USP47: variants seen among roughly 807,000 people sequenced by gnomAD.
USP47 encodes the protein ubiquitin specific peptidase 47.
USP47 carries 35 observed loss-of-function variants against 165.1 expected under a neutral mutation model. The ratio of observed to expected loss-of-function variants is 0.21; its 90% CI spans 0.16 to 0.28. USP47 has a LOEUF of 0.28. USP47 is among the 10% of genes least tolerant of loss of function. The pLI is 1.00. For synonymous variants in USP47, 531 were observed against 544.5 expected (o/e 0.98, Z 0.35); for missense variants, 1,277 against 1,607.4 (o/e 0.79, Z 3.52).
intron 1 of USP47, among the ~76,000 whole-genome samples, chr11:11,870,207 A>G (rs780554150): frequency 2.0e-5 from 3 of 151,920 alleles, no homozygotes; most frequent in Non-Finnish European, 4.4e-5. Flanking sequence ...TAGGTGTGAC[A>G]TAATGTAAAC....
chr11:11,849,916 A>ATTT (rs1848631816), intron 1 of USP47, among the ~76,000 whole-genome samples: 1 of 151,892 alleles, frequency 6.6e-6, no homozygotes, highest in South Asian at 2.1e-4. Context: ...GTCAGAAATA[A>ATTT]TTTTTTCTCA....
intron 5 of USP47, among the ~76,000 whole-genome samples, chr11:11,901,734 G>A (rs1235179411): frequency 2.6e-5 from 4 of 152,094 alleles, no homozygotes; most frequent in Non-Finnish European, 5.9e-5. Context: ...AGAGGTGGGT[G>A]GATCACTTGA....
intron 1 of USP47, among the ~76,000 whole-genome samples, chr11:11,875,316 T>C (rs1850339316): frequency 6.6e-6 from 1 of 152,180 alleles, no homozygotes; most frequent in South Asian, 2.1e-4. Context: ...TAAACCTCAG[T>C]GTGTATTCTT....
intron 22 of USP47, chr11:11,948,782 C>G: frequency 2.6e-6 from 1 of 391,254 alleles, no homozygotes; most frequent in Non-Finnish European, 4.6e-6. Context: ...ATGGCTATGT[C>G]TCAACATTTT....
intron 2 of USP47, among the ~76,000 whole-genome samples, chr11:11,880,632 C>T (rs942178783): frequency 6.6e-6 from 1 of 152,000 alleles, no homozygotes; most frequent in Non-Finnish European, 1.5e-5. Context: ...AGGTGACTCT[C>T]ATAATATTGT....
At chr11:11,873,298 T>C (rs972538014) in intron 1 of USP47, among the ~76,000 whole-genome samples, 1 of 152,164 alleles carries the variant, frequency 6.6e-6, no homozygotes, top group Non-Finnish European at 1.5e-5. Context: ...ATAGGTTACT[T>C]TTATTTCCTT....
intron 1 of USP47, among the ~76,000 whole-genome samples, chr11:11,842,779 C>A (rs914200664): frequency 6.7e-6 from 1 of 149,040 alleles, no homozygotes; most frequent in Non-Finnish European, 1.5e-5. Context: ...AAAAGTAGTA[C>A]ATGGGACATT....
intron 1 of USP47, among the ~76,000 whole-genome samples, chr11:11,858,376 T>A (rs2134178267): frequency 6.6e-6 from 1 of 152,298 alleles, no homozygotes; most frequent in Admixed American, 6.5e-5. Context: ...GTTTTTTAAA[T>A]CAGTGTTACT....
At chr11:11,930,188 T>A in intron 13 of USP47, 68 bp downstream of exon 13, 2 of 1,409,960 alleles carry the variant, frequency 1.4e-6, no homozygotes, top group Non-Finnish European at 2.0e-6. Context: ...TGTTTTTTTA[T>A]CATCAAAGAT....
At chr11:11,936,534 A>G in intron 17 of USP47, 24 bp downstream of exon 17, 7 of 1,527,598 alleles carry the variant, frequency 4.6e-6, no homozygotes, top group Non-Finnish European at 6.2e-6. Flanking sequence ...CACTATTTTT[A>G]GTTGTTCTGT....
intron 18 of USP47, 39 bp downstream of exon 18, chr11:11,938,411 G>A: frequency 6.7e-6 from 10 of 1,486,162 alleles, no homozygotes; most frequent in Non-Finnish European, 8.4e-6. Context: ...ATTTTTGAGA[G>A]CCTGCTATGT....
chr11:11,875,850 A>C (rs1292418922), intron 1 of USP47, among the ~76,000 whole-genome samples: 1 of 152,108 alleles, frequency 6.6e-6, no homozygotes, highest in Non-Finnish European at 1.5e-5. Context: ...TGATCCTCCC[A>C]CCTCGGCCTG....
chr11:11,913,271 A>C (rs1281902126), intron 8 of USP47, among the ~76,000 whole-genome samples: 1 of 151,202 alleles, frequency 6.6e-6, no homozygotes, highest in Non-Finnish European at 1.5e-5. Context: ...AAAAAAAAAA[A>C]AAAAAACAAC....
rs199541867 is a variant in USP47, at chr11:11,928,314, TCCTC to T, written c.1387-1116_1387-1113del. On this transcript the variant is annotated intron_variant, in intron 11 of 27. Coordinates refer to ENST00000527733, the MANE Select transcript of USP47 (RefSeq NM_001282659.2). The stretch of plus-strand genomic sequence containing the variant: ...TGGATTGCAAATAAATTCTGAAACT[TCCTC>T]CCTATCACCACTGTAATTAATTTTA... 4.5e-4 allele frequency among the ~76,000 whole-genome samples: 68 copies of T among 152,142 alleles called. No individual in the cohort carries two copies. In the East Asian group the frequency reaches 0.011, roughly 25 times the overall value.
chr11:11,842,461 A>G (rs1848183320), intron 1 of USP47, among the ~76,000 whole-genome samples: 1 of 152,250 alleles, frequency 6.6e-6, no homozygotes, highest in Non-Finnish European at 1.5e-5. Flanking sequence ...GGACGAATAA[A>G]GGAGCGGACG....
At chr11:11,849,284 T>G (rs1325399891) in intron 1 of USP47, among the ~76,000 whole-genome samples, 1 of 152,264 alleles carries the variant, frequency 6.6e-6, no homozygotes, top group African/African-American at 2.4e-5. Context: ...TTAACAATTT[T>G]GCTTTGCTTA....
At chr11:11,871,555 G>A (rs1363553180) in intron 1 of USP47, among the ~76,000 whole-genome samples, 1 of 145,744 alleles carries the variant, frequency 6.9e-6, no homozygotes, top group Admixed American at 6.9e-5. Flanking sequence ...TGGTTGGTGG[G>A]AACCTAAGTG....
At chr11:11,936,851 C>A (rs2134735474) in intron 17 of USP47, among the ~76,000 whole-genome samples, 1 of 151,980 alleles carries the variant, frequency 6.6e-6, no homozygotes, top group Admixed American at 6.6e-5. Context: ...ATCTCTCTTT[C>A]TCTTTCTTTC....
rs117562474 is a variant in USP47 at position 11,920,307 on chromosome 11, A to G, written c.1066-35A>G. The G allele has an allele frequency of 5.4e-3, 8,707 of 1,607,408 alleles. 120 individuals are homozygous for G. The highest frequency in any genetic ancestry group is 0.04 in the East Asian group (1,784 of 44,698). On this transcript the variant is annotated intron_variant, in intron 9 of 27. Transcript: ENST00000527733. ...AATCTGAGATAATATTCCATATTCA[A>G]TAGACTCTCCCCCTTTTTGTTGTTT...
Sources: allele counts gnomAD v4.1 joint callset (sites outside exome capture counted in the v4.1 genomes callset), GRCh38; gene constraint gnomAD v4.1.1; transcripts MANE v1.5; gene names NCBI Gene and HGNC (gene_info 2026-07-23, HGNC 2026-07-21).